MYO5A: variants seen among roughly 807,000 people sequenced by gnomAD.
The protein encoded by MYO5A is myosin VA.
MYO5A carries 98 observed loss-of-function variants against 249.7 expected under a neutral mutation model. The observed-to-expected ratio is 0.39, with a 90% CI of 0.33 to 0.46. The LOEUF (loss-of-function observed/expected upper bound fraction) is 0.46. MYO5A is among the 20% of genes least tolerant of loss of function. The probability of loss-of-function intolerance (pLI) is 0.98; values close to 1 mark genes in which losing one functional copy is unlikely to be tolerated. For missense variants in MYO5A, 1,696 were observed against 2,308.8 expected, an observed-to-expected ratio of 0.73 and a Z score of 5.44; for synonymous variants, 778 against 810.6, an observed-to-expected ratio of 0.96 and a Z score of 0.68.
intron 1 of MYO5A, among the ~76,000 whole-genome samples, chr15:52,504,817 A>C (rs935582481): frequency 3.3e-5 from 5 of 151,962 alleles, no homozygotes; most frequent in African/African-American, 1.2e-4. Context: ...TGGACCCAGC[A>C]GGCAGAGGTT....
At chr15:52,350,436 T>G (rs1475379701) in intron 28 of MYO5A, among the ~76,000 whole-genome samples, 1 of 152,194 alleles carries the variant, frequency 6.6e-6, no homozygotes, top group African/African-American at 2.4e-5. Context: ...AAATATCATT[T>G]CTAAGAGGAG....
chr15:52,481,886 G>A lies in MYO5A; in HGVS notation c.27+46894C>T, dbSNP rs1401277714. Among the ~76,000 whole-genome samples, 3 of 152,328 alleles carry A rather than the reference G, an allele frequency of 2.0e-5. No individual in the cohort carries two copies. In the East Asian group the frequency reaches 5.8e-4, roughly 29 times the overall value. On this transcript the variant is annotated intron_variant, in intron 1 of 41. Transcript: ENST00000399233. ...AGCTTTCATGAAGGAAAAGGTATAAGTATGTGGTTATGCATGTTGGACAAA... is the reference window on the plus strand; with the variant it reads ...AGCTTTCATGAAGGAAAAGGTATAAATATGTGGTTATGCATGTTGGACAAA...
In MYO5A at chr15:52,330,426, T is replaced by C. The variant is rs759671378; in HGVS notation, c.4482A>G (p.Lys1494=). ...CCAGCATCCCTTGGAAATCCTTTTC[T>C]TTCCTGGGAATGTTGACTGGTCGGA... ...EPIRPVNIPR[K]EKDFQGMLEY... is the part of the protein sequence containing the mutation. The change falls in exon 35 of 42, where the codon AAA becomes AAG. Residue 1494 remains lysine (K), a synonymous_variant. Coordinates refer to ENST00000399233, the MANE Select transcript of MYO5A (RefSeq NM_001382347.1). 1 of 1,614,144 alleles carries C rather than the reference T, an allele frequency of 6.2e-7. No homozygotes were observed. Among genetic ancestry groups the C allele is most frequent in the Admixed American group, 1.7e-5 (1 of 60,022 alleles).
At chr15:52,468,295 C>T (rs1285567689) in intron 1 of MYO5A, among the ~76,000 whole-genome samples, 1 of 152,152 alleles carries the variant, frequency 6.6e-6, no homozygotes, top group Admixed American at 6.6e-5. Context: ...GAATGAGATC[C>T]TGTCTCAGAA....
At chr15:52,407,500 G>A (rs2141225162) in intron 7 of MYO5A, 101 bp from the exon 8 acceptor site, 2 of 735,668 alleles carry the variant, frequency 2.7e-6, no homozygotes, top group African/African-American at 1.7e-5. Context: ...ACAGTTGAGT[G>A]TACAGCATCT....
At chr15:52,445,505 T>C (rs2075870047) in intron 1 of MYO5A, among the ~76,000 whole-genome samples, 3 of 152,166 alleles carry the variant, frequency 2.0e-5, no homozygotes, top group Non-Finnish European at 4.4e-5. Context: ...AGGGATTGCC[T>C]CACATACAGA....
chr15:52,463,700 T>C (rs148019915), intron 1 of MYO5A, among the ~76,000 whole-genome samples: 101 of 152,326 alleles, frequency 6.6e-4, no homozygotes, highest in Admixed American at 1.6e-3. Context: ...TTCCTTTTAT[T>C]TGACCTGTGA....
At chr15:52,467,298 G>C (rs2076372359) in intron 1 of MYO5A, among the ~76,000 whole-genome samples, 1 of 152,096 alleles carries the variant, frequency 6.6e-6, no homozygotes, top group South Asian at 2.1e-4. Flanking sequence ...AATCAATTTA[G>C]GATGCACATG....
At chr15:52,319,591 C>T (rs1445168064) in intron 38 of MYO5A, among the ~76,000 whole-genome samples, 1 of 152,026 alleles carries the variant, frequency 6.6e-6, no homozygotes, top group Admixed American at 6.6e-5. Context: ...ATTAGCCAGG[C>T]GTGGTAGCGT....
intron 31 of MYO5A, among the ~76,000 whole-genome samples, chr15:52,340,629 C>T (rs1397092532): frequency 3.3e-5 from 5 of 152,132 alleles, no homozygotes; most frequent in African/African-American, 1.2e-4. Flanking sequence ...CCCTAAGAAA[C>T]AGGAGAGTTT....
chr15:52,456,126 A>C (rs2076113600), intron 1 of MYO5A, among the ~76,000 whole-genome samples: 1 of 152,202 alleles, frequency 6.6e-6, no homozygotes, highest in African/African-American at 2.4e-5. Flanking sequence ...TGCAGGATAC[A>C]AAATCAACAT....
At chr15:52,391,312 C>T (rs1352637630) in intron 12 of MYO5A, among the ~76,000 whole-genome samples, 1 of 152,144 alleles carries the variant, frequency 6.6e-6, no homozygotes, top group Non-Finnish European at 1.5e-5. Flanking sequence ...AGGCTGAGAA[C>T]CTTTTCATCA....
intron 5 of MYO5A, among the ~76,000 whole-genome samples, chr15:52,415,489 T>G (rs546760325): frequency 6.6e-6 from 1 of 152,330 alleles, no homozygotes; most frequent in Non-Finnish European, 1.5e-5. Context: ...AAGCACATTT[T>G]TTCATAGTTC....
intron 18 of MYO5A, among the ~76,000 whole-genome samples, chr15:52,378,235 T>C (rs1325832984): frequency 1.3e-5 from 2 of 150,578 alleles, no homozygotes; most frequent in African/African-American, 4.9e-5. Flanking sequence ...AGAAGGGGAT[T>C]GGGCAGGCTG....
Position 52,405,381 on chromosome 15 carries a change from G to A in MYO5A, c.959C>T (p.Ser320Phe). ...QACTLLGISESHQMGIFRILA... is the reference protein window; with the variant it reads ...QACTLLGISEFHQMGIFRILA... ...TATTCGGAAAATTCCCATTTGATGAGATTCACTAATTCCTGAAACAAGAGA... is the reference window on the plus strand; with the variant it reads ...TATTCGGAAAATTCCCATTTGATGAAATTCACTAATTCCTGAAACAAGAGA... Residue 320 changes from serine (S) to phenylalanine (F), a missense_variant, in exon 9 of 42, where the codon TCT (serine) becomes TTT (phenylalanine). This residue lies in a region of MYO5A where 185 missense variants were observed against 204.8 expected (regional missense o/e 0.90). Transcript: ENST00000399233. The A allele has an allele frequency of 1.2e-6, 2 of 1,609,468 alleles. No individual in the cohort carries two copies. The highest frequency in any genetic ancestry group is 2.2e-5 in the South Asian group (2 of 90,984).
At chr15:52,463,179 G>A (rs2076287003) in intron 1 of MYO5A, among the ~76,000 whole-genome samples, 1 of 152,174 alleles carries the variant, frequency 6.6e-6, no homozygotes, top group Non-Finnish European at 1.5e-5. Context: ...GAAAAATGCA[G>A]CATAAGCAAA....
intron 4 of MYO5A, among the ~76,000 whole-genome samples, chr15:52,420,043 C>T (rs1282659428): frequency 8.5e-5 from 13 of 152,082 alleles, no homozygotes; most frequent in African/African-American, 3.1e-4. Context: ...TGGTGGCTCA[C>T]GCCTGTAATC....
At chr15:52,523,717 C>A (rs1724606) in intron 1 of MYO5A, among the ~76,000 whole-genome samples, 117,496 of 152,084 alleles carry the variant, frequency 0.77, 46,120 homozygotes, top group South Asian at 0.84. Flanking sequence ...AAAAAAGATA[C>A]GGAGGTTTCC....
chr15:52,442,573 C>T (rs865993419), intron 1 of MYO5A, among the ~76,000 whole-genome samples: 2 of 151,996 alleles, frequency 1.3e-5, no homozygotes, highest in Admixed American at 6.6e-5. Context: ...CCAGTAGAGG[C>T]CCAGGTATTT....
Sources: gnomAD v4.1 joint callset for allele counts (sites outside exome capture counted in the v4.1 genomes callset) on GRCh38, gnomAD v4.1.1 for gene constraint, gnomAD v4.1.1 regional missense constraint, MANE v1.5 for transcripts, NCBI Gene and HGNC (gene_info 2026-07-23, HGNC 2026-07-21) for gene names.